Variants in SLC2A11 observed in about 807,000 individuals in gnomAD.
SLC2A11 encodes the protein solute carrier family 2, facilitated glucose transporter member 11.
A neutral mutation model predicts 52.1 loss-of-function variants in SLC2A11; 43 were observed. The observed-to-expected ratio is 0.82, with a 90% CI of 0.65 to 1.06. The LOEUF (loss-of-function observed/expected upper bound fraction) is 1.06. Among genes scored for constraint, SLC2A11 ranks in the 50% least tolerant of loss-of-function variants. SLC2A11 has a pLI of 0.00. For missense variants in SLC2A11, 582 were observed against 654.2 expected (o/e 0.89, Z 1.20); for synonymous variants, 261 against 277.6 (o/e 0.94, Z 0.59).
At position 23,868,514 on chromosome 22, in the gene SLC2A11, G is replaced by A; in HGVS notation, c.163G>A (p.Ala55Thr). 6.2e-7 allele frequency: 1 copy of A among 1,614,216 alleles called. No homozygotes were observed. The change falls in exon 3 of 12, where the codon GCG becomes ACG. Residue 55 changes from alanine to threonine, a missense_variant. Physicochemically the swap from Ala to Thr is moderately conservative, Grantham distance 58 (BLOSUM62 0). Transcript: ENST00000316185. The stretch of plus-strand genomic sequence containing the variant: ...GGAATTCACCAATGAGACATGGCAG[G>A]CGCGTACTGGAGAGCCACTGCCCGA... ...IQEFTNETWQ[A>T]RTGEPLPDHL...
rs143530899 is a variant in SLC2A11, at chr22:23,882,135, AAC to A, written c.695-312_695-311del. 6.2e-4 allele frequency: 106 copies of A among 169,912 alleles called. 4 individuals are homozygous for A. The highest frequency in any genetic ancestry group is 2.3e-3 in the Admixed American group (23 of 9,816). The allele number at this position is 169,912 out of a possible 1,614,324, so 10.5% of individuals were successfully genotyped here. ...AGAAAGACAGGCAGAGAGAGAGAGA[AAC>A]ACACACACACAGACACAGAGACAGA... On this transcript the variant is annotated intron_variant, in intron 6 of 11. Coordinates refer to ENST00000316185, the MANE Select transcript of SLC2A11 (RefSeq NM_001024939.4).
chr22:23,868,796 AAGACACGTCTTCAAGGGTTTGGT>A (rs1235603967), intron 3 of SLC2A11, 155 bp downstream of exon 3: 1 of 835,116 alleles, frequency 1.2e-6, no homozygotes, highest in East Asian at 2.7e-5. Flanking sequence ...TTCACCTTGC[AAGACACGTCTTCAAGGGTTTGGT>A]AGAGCAAACA....
chr22:23,882,718 A>C, intron 7 of SLC2A11, 41 bp from the exon 8 acceptor site: 1 of 1,606,282 alleles, frequency 6.2e-7, no homozygotes, highest in Non-Finnish European at 8.5e-7. Flanking sequence ...GAGCCATGGG[A>C]GGTGGAAGGG....
chr22:23,864,868 G>A (rs528459619), intron 2 of SLC2A11, among the ~76,000 whole-genome samples: 190 of 152,150 alleles, frequency 1.2e-3, no homozygotes, highest in African/African-American at 4.3e-3. Context: ...AGCACTTTGA[G>A]AGGCTGAGGC....
intron 4 of SLC2A11, among the ~76,000 whole-genome samples, chr22:23,876,181 A>C (rs2032607794): frequency 6.6e-6 from 1 of 152,138 alleles, no homozygotes; most frequent in South Asian, 2.1e-4. Flanking sequence ...TTTATGTCCT[A>C]ATTCCAGAGG....
intron 1 of SLC2A11, 140 bp from the exon 2 acceptor site, chr22:23,861,964 G>A: frequency 1.4e-6 from 1 of 739,830 alleles, no homozygotes. Flanking sequence ...ACTCCTCTCT[G>A]TGCCTCACTT....
At position 23,862,106 on chromosome 22, in the gene SLC2A11, TCAGGG is replaced by T. The variant is rs757053344; in HGVS notation, c.38_42del (p.Gly13AspfsTer20). On this transcript the variant is annotated frameshift_variant, in exon 2 of 12. Coordinates refer to ENST00000316185, the MANE Select transcript of SLC2A11 (RefSeq NM_001024939.4). LOFTEE classifies it high-confidence loss of function. ...TGTGTTCTCTCCTCTCTCCTCAGATTCAGGGCAGGATCCTGCTCCTGACCATCTGC... is the reference window on the plus strand; with the variant it reads ...TGTGTTCTCTCCTCTCTCCTCAGATTCAGGATCCTGCTCCTGACCATCTGC... 5.6e-6 allele frequency: 9 copies of T among 1,614,046 alleles called. 1 individual carries two copies. Among genetic ancestry groups the T allele is most frequent in the Admixed American group, 5.0e-5 (3 of 60,022 alleles).
At position 23,877,813 on chromosome 22, in the gene SLC2A11, C is replaced by A; in HGVS notation, c.638C>A (p.Pro213His). 1 of 1,613,362 alleles carries A rather than the reference C, an allele frequency of 6.2e-7. No homozygotes were observed. The highest frequency in any genetic ancestry group is 2.2e-5 in the East Asian group (1 of 44,838). Residue 213 changes from proline to histidine, a missense_variant, in exon 6 of 12, where the codon CCT (proline) becomes CAT (histidine). Coordinates refer to ENST00000316185, the MANE Select transcript of SLC2A11 (RefSeq NM_001024939.4). ...ALQLASLPLL[P>H]ESPRYLLIDC... ...CAGCTCGCCTCCCTGCCTCTGCTCC[C>A]TGAAAGCCCGCGCTACCTCCTCATT...
At chr22:23,860,914 C>T (rs371203759) in intron 1 of SLC2A11, among the ~76,000 whole-genome samples, 1 of 149,532 alleles carries the variant, frequency 6.7e-6, no homozygotes, top group African/African-American at 2.5e-5. Context: ...GGCGCTATCT[C>T]GGCTCACTGC....
At position 23,877,859 on chromosome 22, in the gene SLC2A11, C is replaced by G; in HGVS notation, c.684C>G (p.Ala228=). Residue 228 remains alanine (A), a synonymous_variant, in exon 6 of 12, where the codon GCC becomes GCG. Transcript: ENST00000316185. The stretch of plus-strand genomic sequence containing the variant: ...TCATTGACTGTGGAGACACCGAGGC[C>G]TGCCTGGCAGGTGAGTCTCTGTCCT... The part of the protein sequence containing the change: ...YLLIDCGDTE[A]CLAALRRLRG... The G allele has an allele frequency of 6.2e-7, 1 of 1,611,636 alleles. No homozygotes were observed.
At position 23,883,942 on chromosome 22, in the gene SLC2A11, A is replaced by G; in HGVS notation, c.1096-7A>G. On this transcript the variant is annotated splice_polypyrimidine_tract_variant and splice_region_variant and intron_variant, in intron 9 of 11. Transcript: ENST00000316185. ...CTTCCACCTCACCCCCGCCCCGTCCACGGCAGAGCTCCTTCCCCTGGACAC... is the reference window on the plus strand; with the variant it reads ...CTTCCACCTCACCCCCGCCCCGTCCGCGGCAGAGCTCCTTCCCCTGGACAC... 1 of 1,611,756 alleles carries G rather than the reference A, an allele frequency of 6.2e-7. No homozygotes were observed. Among genetic ancestry groups the G allele is most frequent in the Non-Finnish European group, 8.5e-7 (1 of 1,179,342 alleles).
intron 1 of SLC2A11, among the ~76,000 whole-genome samples, chr22:23,861,028 G>C (rs2032038685): frequency 6.6e-6 from 1 of 151,706 alleles, no homozygotes. Flanking sequence ...TGTATTTTTA[G>C]TAGAGGCGGG....
Position 23,884,841 on chromosome 22 carries a change from G to T in SLC2A11, c.1492G>T (p.Glu498Ter), listed in dbSNP as rs1407532259. The change falls in exon 12 of 12, where the codon GAA becomes TAA. Residue 498 changes from glutamate (E) to a stop codon, truncating the protein, a stop_gained. Transcript: ENST00000316185. LOFTEE classifies it high-confidence loss of function. This position sits in a 1 kb window ranked among gnomAD's most constrained non-coding sequence, Gnocchi z 4.3. ...GAGCCTGGAGGTTATCCAGTCAACA[G>T]AACTCTAGTCCCAAAGGGGTGGCCA... ...WRSLEVIQST[E>*]L The T allele has an allele frequency of 6.2e-7, 1 of 1,614,122 alleles. No homozygotes were observed. The highest frequency in any genetic ancestry group is 1.7e-5 in the Admixed American group (1 of 60,024).
chr22:23,876,105 G>A (rs141251262), intron 4 of SLC2A11, among the ~76,000 whole-genome samples: 169 of 152,254 alleles, frequency 1.1e-3, no homozygotes, highest in African/African-American at 3.7e-3. Context: ...GGGTGAGGAG[G>A]GGAGGGAGAG....
At chr22:23,857,709 C>G (rs2031899094), upstream of SLC2A11, 3 of 728,514 alleles carry the variant, frequency 4.1e-6, no homozygotes, top group Non-Finnish European at 5.0e-6. Flanking sequence ...CGGCTCTGCG[C>G]TTCACTGCGC....
Position 23,882,881 on chromosome 22 carries a change from G to A in SLC2A11, c.993+12G>A, listed in dbSNP as rs887480864. On this transcript the variant is annotated intron_variant, in intron 8 of 11. Coordinates refer to ENST00000316185, the MANE Select transcript of SLC2A11 (RefSeq NM_001024939.4). ...CGGCGGTTGTTAGTGTGAGTCTGGA[G>A]GGTGCCCTTCCTCCACCAGCCCTGT... The A allele has an allele frequency of 6.2e-7, 1 of 1,603,784 alleles. No individual in the cohort carries two copies. The highest frequency in any genetic ancestry group is 8.5e-7 in the Non-Finnish European group (1 of 1,174,984).
intron 2 of SLC2A11, 77 bp from the exon 3 acceptor site, chr22:23,868,404 G>A (rs1410457844): frequency 1.3e-6 from 2 of 1,558,242 alleles, no homozygotes; most frequent in Non-Finnish European, 8.8e-7. Flanking sequence ...ATGGAGCCCT[G>A]TTGGGGAGAA....
upstream of SLC2A11, chr22:23,857,779 C>G: frequency 7.0e-7 from 1 of 1,428,738 alleles, no homozygotes; most frequent in Non-Finnish European, 9.2e-7. Flanking sequence ...GAACCCTCAG[C>G]TGGTGCGGCC....
At chr22:23,857,413 G>A (rs1251964246), upstream of SLC2A11, 5 of 1,601,894 alleles carry the variant, frequency 3.1e-6, no homozygotes, top group Non-Finnish European at 3.4e-6. Context: ...CTCCCTTCCG[G>A]CCTGCAGAGA....
Sources: gnomAD v4.1 joint callset for allele counts (sites outside exome capture counted in the v4.1 genomes callset) on GRCh38, gnomAD v4.1.1 for gene constraint, Gnocchi (gnomAD v3.1) non-coding constraint, MANE v1.5 for transcripts, NCBI Gene and HGNC (gene_info 2026-07-23, HGNC 2026-07-21) for gene names.